HTT: variants seen among roughly 807,000 people sequenced by gnomAD.
The protein encoded by HTT is huntington disease protein.
In HTT, 104 loss-of-function variants were observed where a neutral mutation model predicts 362.3. The ratio of observed to expected loss-of-function variants is 0.29; its 90% confidence interval spans 0.24 to 0.34. HTT has a LOEUF of 0.34. Among genes scored for constraint, HTT ranks in the 10% least tolerant of loss-of-function variants. HTT has a pLI of 1.00. For synonymous variants in HTT, 1,577 were observed against 1,548.7 expected (o/e 1.02, Z -0.43); for missense variants, 3,301 against 3,928.6 (o/e 0.84, Z 4.27).
chr4:3,142,658 A>G (rs1210495325), intron 22 of HTT, 108 bp from the exon 23 acceptor site: 5 of 568,918 alleles, frequency 8.8e-6, no homozygotes, highest in Non-Finnish European at 9.1e-6. Flanking sequence ...AAAAGTTGAG[A>G]CTGCTTAACT....
intron 49 of HTT, chr4:3,213,111 A>C (rs973393119): frequency 2.7e-5 from 5 of 186,290 alleles, no homozygotes; most frequent in African/African-American, 1.2e-4. Context: ...GATGCATTAA[A>C]GTCTGGCCTG....
intron 40 of HTT, among the ~76,000 whole-genome samples, chr4:3,193,692 G>T (rs777851671): frequency 6.6e-6 from 1 of 152,216 alleles, no homozygotes; most frequent in South Asian, 2.1e-4. Context: ...TTAGCCACAT[G>T]TGGTGTTCTG....
chr4:3,153,316 A>AT (rs2110210870), intron 26 of HTT, among the ~76,000 whole-genome samples: 1 of 152,202 alleles, frequency 6.6e-6, no homozygotes, highest in East Asian at 1.9e-4. Context: ...CAGTGTATAA[A>AT]TTTGGGGGAC....
At chr4:3,152,966 G>A (rs1258270552) in intron 26 of HTT, among the ~76,000 whole-genome samples, 2 of 151,914 alleles carry the variant, frequency 1.3e-5, no homozygotes, top group African/African-American at 4.8e-5. Flanking sequence ...TTCATTTACT[G>A]TCTGCATTTC....
intron 59 of HTT, among the ~76,000 whole-genome samples, chr4:3,229,647 A>G (rs959830954): frequency 2.6e-5 from 4 of 151,988 alleles, no homozygotes; most frequent in African/African-American, 9.6e-5. Flanking sequence ...ACATGCGCAC[A>G]CACACACCAC....
chr4:3,130,224 T>C, intron 13 of HTT, 81 bp from the exon 14 acceptor site: 1 of 1,075,914 alleles, frequency 9.3e-7, no homozygotes, highest in East Asian at 2.4e-5. Context: ...ATCTTATACT[T>C]TTGAGTTATC....
chr4:3,195,282 C>G (rs148503403), intron 40 of HTT, among the ~76,000 whole-genome samples: 1 of 152,290 alleles, frequency 6.6e-6, no homozygotes, highest in South Asian at 2.1e-4. Flanking sequence ...TTGAAAACAG[C>G]ATTCTTTATT....
chr4:3,159,506 T>C (rs1006844178), intron 28 of HTT, among the ~76,000 whole-genome samples: 1 of 152,230 alleles, frequency 6.6e-6, no homozygotes, highest in South Asian at 2.1e-4. Flanking sequence ...GATTTTTCTT[T>C]CCTTTGGCTG....
At chr4:3,088,416 C>G (rs960669667) in intron 2 of HTT, among the ~76,000 whole-genome samples, 9 of 140,426 alleles carry the variant, frequency 6.4e-5, no homozygotes, top group Admixed American at 2.1e-4. Flanking sequence ...CCTCATGACC[C>G]GCTCAACTCA....
chr4:3,150,145 C>T (rs2110207737), intron 26 of HTT, among the ~76,000 whole-genome samples: 1 of 152,286 alleles, frequency 6.6e-6, no homozygotes, highest in South Asian at 2.1e-4. Context: ...TCTTTGTAGT[C>T]TCTGGGCCAG....
At chr4:3,158,949 TCTG>T (rs1382910455) in intron 28 of HTT, among the ~76,000 whole-genome samples, 1 of 152,206 alleles carries the variant, frequency 6.6e-6, no homozygotes, top group Non-Finnish European at 1.5e-5. Flanking sequence ...TCCAGCATGT[TCTG>T]CTGTAATTCT....
At chr4:3,191,330 C>T (rs1352619625) in intron 40 of HTT, among the ~76,000 whole-genome samples, 3 of 152,116 alleles carry the variant, frequency 2.0e-5, no homozygotes, top group East Asian at 1.9e-4. Context: ...TGCACCACCA[C>T]GCCTGGCTAA....
intron 6 of HTT, among the ~76,000 whole-genome samples, chr4:3,109,528 T>G (rs1714623249): frequency 6.6e-6 from 1 of 152,098 alleles, no homozygotes. Flanking sequence ...CCCAGCAACT[T>G]CCACATTTCT....
At chr4:3,115,173 G>A (rs1222548530) in intron 6 of HTT, 131 bp from the exon 7 acceptor site, 3 of 914,220 alleles carry the variant, frequency 3.3e-6, no homozygotes, top group Non-Finnish European at 4.9e-6. Context: ...CAGTTCAGCT[G>A]TAGGAAAAGC....
At chr4:3,166,931 C>G (rs1247797455) in intron 29 of HTT, among the ~76,000 whole-genome samples, 1 of 152,270 alleles carries the variant, frequency 6.6e-6, no homozygotes, top group African/African-American at 2.4e-5. Context: ...TCGGCTTGCC[C>G]TCCGTGGGCT....
chr4:3,192,719 G>A (rs951660094), intron 40 of HTT, among the ~76,000 whole-genome samples: 3 of 152,244 alleles, frequency 2.0e-5, no homozygotes, highest in African/African-American at 7.2e-5. Flanking sequence ...ACAAGTAGTT[G>A]CCTTAAAAAG....
At chr4:3,121,539 C>T (rs1715296930) in intron 9 of HTT, 107 bp downstream of exon 9, 1 of 719,514 alleles carries the variant, frequency 1.4e-6, no homozygotes, top group Non-Finnish European at 2.3e-6. Context: ...ATTCCATCTT[C>T]CTTGCCAAAA....
chr4:3,225,235 G>A (rs1237891588), intron 56 of HTT, among the ~76,000 whole-genome samples: 2 of 152,168 alleles, frequency 1.3e-5, no homozygotes, highest in African/African-American at 2.4e-5. Flanking sequence ...GGGCACCGAG[G>A]TGGGGTTCTG....
chr4:3,212,524 G>A, intron 48 of HTT, 40 bp from the exon 49 acceptor site: 4 of 1,600,720 alleles, frequency 2.5e-6, no homozygotes, highest in Non-Finnish European at 3.4e-6. Flanking sequence ...ATGCATCTGT[G>A]CTCACGTTTG....
Sources: gnomAD v4.1 joint callset for allele counts (sites outside exome capture counted in the v4.1 genomes callset) on GRCh38, gnomAD v4.1.1 for gene constraint, MANE v1.5 for transcripts, NCBI Gene and HGNC (gene_info 2026-07-23, HGNC 2026-07-21) for gene names.